The following MAP2K6 variants were observed in gnomAD, a reference collection of about 807,000 sequenced individuals.
MAP2K6 encodes mitogen-activated protein kinase kinase 6.
Under a neutral mutation model 53.7 loss-of-function variants are expected in MAP2K6, and 16 were observed. The observed-to-expected ratio is 0.30, with a 90% CI of 0.20 to 0.45. The LOEUF is 0.45. Ranked by LOEUF, MAP2K6 falls within the 20% of genes least tolerant of loss-of-function variation. The pLI, the probability that MAP2K6 is intolerant of heterozygous loss-of-function variation, is 1.00. For synonymous variants in MAP2K6, 132 were observed against 143.1 expected (o/e 0.92, Z 0.55); for missense variants, 204 against 411.9 (o/e 0.50, Z 4.37).
In MAP2K6 at chr17:69,541,874, G is replaced by T; in HGVS notation, c.*121G>T. On this transcript the variant is annotated 3_prime_UTR_variant, in exon 12 of 12. Transcript: ENST00000590474. ...ATAATTTAACCCTGCCTCTCAGAGG[G>T]TTTTCTCTCCCAATTTTCTTTTTAC... The T allele has an allele frequency of 1.4e-6, 1 of 691,264 alleles. No individual in the cohort carries two copies. The allele number at this position is 691,264 out of a possible 1,614,324, so 42.8% of individuals were successfully genotyped here.
At chr17:69,529,177 C>T (rs1175198613) in intron 10 of MAP2K6, among the ~76,000 whole-genome samples, 1 of 152,146 alleles carries the variant, frequency 6.6e-6, no homozygotes, top group Non-Finnish European at 1.5e-5. Context: ...TCACTGCCCC[C>T]TAGGCCTCAT....
chr17:69,449,541 C>CTT (rs1352223318), intron 1 of MAP2K6, among the ~76,000 whole-genome samples: 1,198 of 99,358 alleles, frequency 0.012, 9 homozygotes, highest in South Asian at 0.032. Context: ...GTCTTTCTTT[C>CTT]TTTCTTTCTT....
chr17:69,512,638 G>A (rs915424287), intron 2 of MAP2K6, among the ~76,000 whole-genome samples: 2 of 152,096 alleles, frequency 1.3e-5, no homozygotes, highest in African/African-American at 4.8e-5. Flanking sequence ...CGCCCGGCCT[G>A]AGTGTTCTTA....
chr17:69,510,830 T>TCC (rs2145234636), intron 2 of MAP2K6, among the ~76,000 whole-genome samples: 1 of 152,182 alleles, frequency 6.6e-6, no homozygotes, highest in East Asian at 1.9e-4. Flanking sequence ...ACTGATAATT[T>TCC]GTGTCTTCTT....
At chr17:69,482,947 A>G (rs543081038) in intron 1 of MAP2K6, among the ~76,000 whole-genome samples, 43 of 152,038 alleles carry the variant, frequency 2.8e-4, no homozygotes, top group Admixed American at 1.5e-3. Flanking sequence ...GTTTCCAAAT[A>G]TATTAGACCA....
At chr17:69,449,687 AC>A (rs1907141869) in intron 1 of MAP2K6, among the ~76,000 whole-genome samples, 1 of 128,758 alleles carries the variant, frequency 7.8e-6, no homozygotes. Context: ...ATCTCGGCTC[AC>A]TGCAGGCTCC....
intron 1 of MAP2K6, among the ~76,000 whole-genome samples, chr17:69,483,226 T>A (rs566668340): frequency 1.2e-4 from 18 of 151,844 alleles, no homozygotes; most frequent in Non-Finnish European, 1.5e-5. Flanking sequence ...CTAAGAAAAC[T>A]ATTAGCACTT....
Position 69,494,282 on chromosome 17 carries a change from G to A in MAP2K6, c.17-11498G>A, listed in dbSNP as rs1908860439. ...GGAGGCCAAGGCGGGCAGATCACCTGAGGCCGAGAGTTTGTGACCAGCCTG... is the reference window on the plus strand; with the variant it reads ...GGAGGCCAAGGCGGGCAGATCACCTAAGGCCGAGAGTTTGTGACCAGCCTG... On this transcript the variant is annotated intron_variant, in intron 1 of 11. Coordinates refer to ENST00000590474, the MANE Select transcript of MAP2K6 (RefSeq NM_002758.4). This position sits in a 1 kb window ranked among gnomAD's most constrained non-coding sequence, Gnocchi z 4.2. Among the ~76,000 whole-genome samples the A allele has an allele frequency of 6.6e-6, 1 of 152,218 alleles. No homozygotes were observed. Among genetic ancestry groups the A allele is most frequent in the African/African-American group, 2.4e-5 (1 of 41,450 alleles).
At chr17:69,441,316 C>T (rs1456112667) in intron 1 of MAP2K6, among the ~76,000 whole-genome samples, 1 of 151,680 alleles carries the variant, frequency 6.6e-6, no homozygotes, top group Non-Finnish European at 1.5e-5. Context: ...GATTTTTTTT[C>T]AGGTCTATTT....
chr17:69,514,545 A>G (rs1232714394), intron 2 of MAP2K6, among the ~76,000 whole-genome samples: 1 of 151,878 alleles, frequency 6.6e-6, no homozygotes, highest in Non-Finnish European at 1.5e-5. Flanking sequence ...TTATATCTGT[A>G]TTTGTATTTC....
intron 1 of MAP2K6, among the ~76,000 whole-genome samples, chr17:69,448,930 G>A (rs1373123068): frequency 6.6e-6 from 1 of 152,188 alleles, no homozygotes; most frequent in African/African-American, 2.4e-5. Flanking sequence ...GGCTGGCTGG[G>A]TGTAGCTGTT....
intron 4 of MAP2K6, among the ~76,000 whole-genome samples, chr17:69,518,885 A>C (rs139091758): frequency 6.6e-6 from 1 of 152,210 alleles, no homozygotes; most frequent in Admixed American, 6.5e-5. Context: ...AGCTGTACCA[A>C]TTCTCTTACA....
chr17:69,512,326 GTGTTTTTTTTT>G (rs145599054), intron 2 of MAP2K6, among the ~76,000 whole-genome samples: 14,703 of 76,988 alleles, frequency 0.19, 1,452 homozygotes, highest in Middle Eastern at 0.31. Flanking sequence ...GTCTTTCTAA[GTGTTTTTTTTT>G]TGTTTTTTTT....
At chr17:69,504,328 T>G (rs1598295034) in intron 1 of MAP2K6, 1 of 151,878 alleles carries the variant, frequency 6.6e-6, no homozygotes, top group Non-Finnish European at 1.5e-5. Context: ...CAGGCTGGAG[T>G]GCAGTGGTGT....
At chr17:69,499,007 G>A (rs1265840072) in intron 1 of MAP2K6, among the ~76,000 whole-genome samples, 1 of 152,112 alleles carries the variant, frequency 6.6e-6, no homozygotes, top group East Asian at 1.9e-4. Flanking sequence ...GAGTGACTGA[G>A]CCCTGCTTCT....
At chr17:69,491,794 G>A (rs911837825) in intron 1 of MAP2K6, among the ~76,000 whole-genome samples, 7 of 151,188 alleles carry the variant, frequency 4.6e-5, no homozygotes, top group South Asian at 2.1e-4. Context: ...GGTCTGAGAT[G>A]TTATTTCACC....
intron 10 of MAP2K6, among the ~76,000 whole-genome samples, chr17:69,529,534 G>A (rs4968860): frequency 0.049 from 6,648 of 135,034 alleles, 335 homozygotes; most frequent in East Asian, 0.21. Context: ...TTTTGGAGAC[G>A]GAGTTTTGCT....
intron 1 of MAP2K6, among the ~76,000 whole-genome samples, chr17:69,416,459 A>C (rs1236063172): frequency 1.3e-5 from 2 of 152,226 alleles, no homozygotes; most frequent in Admixed American, 6.5e-5. Context: ...CAGAAGAGGC[A>C]GTCCATGCTT....
chr17:69,481,517 A>T (rs1025924063), intron 1 of MAP2K6, among the ~76,000 whole-genome samples: 1 of 152,202 alleles, frequency 6.6e-6, no homozygotes, highest in East Asian at 1.9e-4. Context: ...TAGGGCTGTC[A>T]TAACAGAGTC....
Sources: allele counts gnomAD v4.1 joint callset (sites outside exome capture counted in the v4.1 genomes callset), GRCh38; gene constraint gnomAD v4.1.1; non-coding constraint Gnocchi (gnomAD v3.1); transcripts MANE v1.5; gene names NCBI Gene and HGNC (gene_info 2026-07-23, HGNC 2026-07-21).